The following AVL9 variants were observed in gnomAD, a reference collection of about 807,000 sequenced individuals.
AVL9 encodes late secretory pathway protein AVL9 homolog.
Under a neutral mutation model 79.2 loss-of-function variants are expected in AVL9, and 49 were observed. The ratio of observed to expected loss-of-function variants is 0.62; its 90% confidence interval spans 0.49 to 0.79. The LOEUF is 0.79. Among genes scored for constraint, AVL9 ranks in the 30% least tolerant of loss-of-function variants. The pLI, the probability that AVL9 is intolerant of heterozygous loss-of-function variation, is 0.00. For missense variants in AVL9, 682 were observed against 776.8 expected (o/e 0.88, Z 1.45); for synonymous variants, 299 against 280.6 (o/e 1.07, Z -0.65).
chr7:32,531,968 G>A (rs1388613458), intron 1 of AVL9: 2 of 152,238 alleles, frequency 1.3e-5, no homozygotes, highest in Admixed American at 6.5e-5. Context: ...CCTCCACCAG[G>A]GCAGTGTGAC....
At chr7:32,570,750 G>A (rs930251230) in intron 11 of AVL9, among the ~76,000 whole-genome samples, 7 of 150,958 alleles carry the variant, frequency 4.6e-5, no homozygotes, top group African/African-American at 1.7e-4. Flanking sequence ...CTCCTGAGTA[G>A]GTTGGATTAC....
chr7:32,545,570 A>C (rs1431052112), intron 3 of AVL9, among the ~76,000 whole-genome samples: 1 of 151,734 alleles, frequency 6.6e-6, no homozygotes, highest in East Asian at 1.9e-4. Flanking sequence ...AGGTTTCACC[A>C]TGATGCCCAG....
At chr7:32,555,793 T>C (rs961531704) in intron 8 of AVL9, among the ~76,000 whole-genome samples, 7 of 152,192 alleles carry the variant, frequency 4.6e-5, no homozygotes, top group African/African-American at 1.7e-4. Context: ...TGAAAGAATG[T>C]TGGGGAGTCG....
chr7:32,556,189 T>A (rs1270056900), intron 8 of AVL9, among the ~76,000 whole-genome samples: 4 of 152,132 alleles, frequency 2.6e-5, no homozygotes, highest in Admixed American at 1.3e-4. Flanking sequence ...AAAGGGAATA[T>A]TTTTCTGTAT....
chr7:32,514,767 T>G (rs1180041355), intron 1 of AVL9, among the ~76,000 whole-genome samples: 1 of 152,106 alleles, frequency 6.6e-6, no homozygotes, highest in Non-Finnish European at 1.5e-5. Flanking sequence ...ACAAACACCC[T>G]TTGACCGTAA....
At chr7:32,500,374 G>T (rs752820759) in intron 1 of AVL9, among the ~76,000 whole-genome samples, 1 of 151,868 alleles carries the variant, frequency 6.6e-6, no homozygotes, top group Non-Finnish European at 1.5e-5. Flanking sequence ...TTTATTGGCT[G>T]CACAGATATC....
chr7:32,570,951 T>A (rs1263254893), intron 11 of AVL9, among the ~76,000 whole-genome samples: 2 of 139,832 alleles, frequency 1.4e-5, no homozygotes, highest in African/African-American at 5.2e-5. Context: ...TTTATGAGGC[T>A]CGGCGCAGTG....
chr7:32,547,840 T>C (rs1789595348), intron 3 of AVL9, among the ~76,000 whole-genome samples: 2 of 152,164 alleles, frequency 1.3e-5, no homozygotes, highest in Non-Finnish European at 2.9e-5. Flanking sequence ...GTTGAAAACA[T>C]GGGGGCCCCT....
At chr7:32,525,272 G>A (rs1387969074) in intron 1 of AVL9, among the ~76,000 whole-genome samples, 2 of 152,190 alleles carry the variant, frequency 1.3e-5, no homozygotes, top group Non-Finnish European at 2.9e-5. Flanking sequence ...TGACAGTATA[G>A]TTGTTTGCAT....
intron 1 of AVL9, among the ~76,000 whole-genome samples, chr7:32,527,252 A>G (rs1050017879): frequency 4.6e-5 from 7 of 152,218 alleles, no homozygotes; most frequent in Non-Finnish European, 7.3e-5. Context: ...AATTAAAACA[A>G]TTACTGAAGC....
intron 10 of AVL9, among the ~76,000 whole-genome samples, chr7:32,568,536 T>G (rs1186920835): frequency 6.6e-6 from 1 of 152,214 alleles, no homozygotes; most frequent in Non-Finnish European, 1.5e-5. Context: ...CATCACTGTT[T>G]ATGGCTGCAG....
At position 32,584,265 on chromosome 7, in the gene AVL9, G is replaced by A; in HGVS notation, c.*358G>A. ...TGTTTTGGTGTTTGAATATCTAGATGGTCACTGTAATTTATACTTGCTAAA... is the reference window on the plus strand; with the variant it reads ...TGTTTTGGTGTTTGAATATCTAGATAGTCACTGTAATTTATACTTGCTAAA... On this transcript the variant is annotated 3_prime_UTR_variant, in exon 16 of 16. Transcript: ENST00000318709. 4.4e-6 allele frequency: 1 copy of A among 228,644 alleles called. No homozygotes were observed. The highest frequency in any genetic ancestry group is 8.8e-6 in the Non-Finnish European group (1 of 113,862). The allele number at this position is 228,644 out of a possible 1,614,324, so 14.2% of individuals were successfully genotyped here.
In AVL9 at chr7:32,502,392, C is replaced by CAAAAAAAAAAAAAAA. The variant is rs70992721; in HGVS notation, c.93+6593_93+6607dup. Among the ~76,000 whole-genome samples, 45 of 114,280 alleles carry CAAAAAAAAAAAAAAA rather than the reference C, an allele frequency of 3.9e-4. 1 individual carries two copies. The highest frequency in any genetic ancestry group is 8.9e-4 in the African/African-American group (27 of 30,326). The allele number at this position is 114,280 out of a possible 152,430, so 75.0% of individuals were successfully genotyped here. A position where few individuals can be genotyped will look rare whatever the true frequency, so the allele number is the denominator to read the frequency against. On this transcript the variant is annotated intron_variant, in intron 1 of 15. Coordinates refer to ENST00000318709, the MANE Select transcript of AVL9 (RefSeq NM_015060.3). ...TGGGTGAGAGAGTAAAACCCTTTCTCAAAAAAAAAAAAAAAAAGAAAGAAA... is the reference window on the plus strand; with the variant it reads ...TGGGTGAGAGAGTAAAACCCTTTCTCAAAAAAAAAAAAAAAAAAAAAAAAAAAAAAAAGAAAGAAA...
At chr7:32,548,157 T>TTTCTTTTTGTTTTTTTTTTG (rs1465821967) in intron 3 of AVL9, among the ~76,000 whole-genome samples, 70 of 146,852 alleles carry the variant, frequency 4.8e-4, no homozygotes, top group Non-Finnish European at 7.2e-4. Context: ...TTTTCTTTTT[T>TTTCTTTTTGTTTTTTTTTTG]TTTTTTTTGA....
chr7:32,541,932 C>A, intron 1 of AVL9, among the ~76,000 whole-genome samples: 1 of 152,018 alleles, frequency 6.6e-6, no homozygotes, highest in South Asian at 2.1e-4. Flanking sequence ...CCAGGCTGGT[C>A]TCGAACTTCT....
chr7:32,541,872 A>G (rs111882187), intron 1 of AVL9, among the ~76,000 whole-genome samples: 2,648 of 151,948 alleles, frequency 0.017, 73 homozygotes, highest in African/African-American at 0.06. Context: ...GTGCCACCAC[A>G]CCTGACTAAT....
At chr7:32,497,343 GA>G (rs530291563) in intron 1 of AVL9, among the ~76,000 whole-genome samples, 22 of 151,498 alleles carry the variant, frequency 1.5e-4, no homozygotes, top group Non-Finnish European at 2.2e-4. Context: ...CAACAAGAGC[GA>G]AAAAAAAAGT....
chr7:32,548,151 CTTT>C (rs1554340933), intron 3 of AVL9, among the ~76,000 whole-genome samples: 3 of 131,586 alleles, frequency 2.3e-5, no homozygotes, highest in East Asian at 2.1e-4. Context: ...TCTCTTTTTT[CTTT>C]TTTTTTTTTT....
chr7:32,549,914 G>A lies in AVL9; in HGVS notation c.372+996G>A, dbSNP rs1156578741. The stretch of plus-strand genomic sequence containing the variant: ...AGCCTGGGCGACAGAGGGAGACTCC[G>A]TCTCAAAAAAAAAAAAGAAAGAAAG... On this transcript the variant is annotated intron_variant, in intron 4 of 15. Coordinates refer to ENST00000318709, the MANE Select transcript of AVL9 (RefSeq NM_015060.3). Among the ~76,000 whole-genome samples the A allele has an allele frequency of 2.3e-4, 8 of 34,612 alleles. 1 individual carries two copies. Among genetic ancestry groups the A allele is most frequent in the East Asian group, 1.9e-3 (2 of 1,050 alleles). 22.7% of individuals were successfully genotyped at this position (34,612 alleles called of 152,430 possible). A position where few individuals can be genotyped will look rare whatever the true frequency, so the allele number is the denominator to read the frequency against.
Sources: gnomAD v4.1 joint callset for allele counts (sites outside exome capture counted in the v4.1 genomes callset) on GRCh38, gnomAD v4.1.1 for gene constraint, MANE v1.5 for transcripts, NCBI Gene and HGNC (gene_info 2026-07-23, HGNC 2026-07-21) for gene names.